The following MALRD1 variants were observed in gnomAD, a reference collection of about 807,000 sequenced individuals.
MALRD1 encodes the protein MAM and LDL receptor class A domain containing 1.
MALRD1 carries 247 observed loss-of-function variants against 242.1 expected under a neutral mutation model. The ratio of observed to expected loss-of-function variants is 1.02; its 90% CI spans 0.92 to 1.13. MALRD1 has a LOEUF of 1.13. Ranked by LOEUF, MALRD1 falls within the 50% of genes most tolerant of loss-of-function variation. MALRD1 has a pLI of 0.00. For missense variants in MALRD1, 2,989 were observed against 2,533.1 expected (o/e 1.18, Z -3.86); for synonymous variants, 995 against 866.6 (o/e 1.15, Z -2.60).
chr10:19,667,856 T>C (rs1361088228), intron 36 of MALRD1, among the ~76,000 whole-genome samples: 2 of 152,134 alleles, frequency 1.3e-5, no homozygotes, highest in African/African-American at 4.8e-5. Flanking sequence ...GGGTAACTTA[T>C]AAACAACACA....
intron 1 of MALRD1, among the ~76,000 whole-genome samples, chr10:19,059,542 A>G (rs1834761551): frequency 6.6e-6 from 1 of 151,844 alleles, no homozygotes; most frequent in South Asian, 2.1e-4. Context: ...GCATGTCACT[A>G]TACGCATCTA....
intron 38 of MALRD1, among the ~76,000 whole-genome samples, chr10:19,697,117 A>G (rs1027232290): frequency 3.3e-5 from 5 of 152,156 alleles, no homozygotes; most frequent in African/African-American, 1.2e-4. Flanking sequence ...AAACACACAT[A>G]AAAATAGGAT....
intron 5 of MALRD1, among the ~76,000 whole-genome samples, chr10:19,115,791 G>A (rs1300530433): frequency 2.0e-5 from 3 of 152,126 alleles, no homozygotes; most frequent in East Asian, 3.9e-4. Context: ...CGGGAGAATC[G>A]CTTGAACCCA....
intron 10 of MALRD1, among the ~76,000 whole-genome samples, chr10:19,137,743 A>C (rs1833401117): frequency 6.6e-6 from 1 of 152,122 alleles, no homozygotes; most frequent in Admixed American, 6.5e-5. Flanking sequence ...AGATCCCATT[A>C]CTATTCAAGC....
chr10:19,213,555 T>A (rs1837166424), intron 18 of MALRD1, among the ~76,000 whole-genome samples: 2 of 152,206 alleles, frequency 1.3e-5, no homozygotes, highest in Non-Finnish European at 2.9e-5. Context: ...CTTGCATGTC[T>A]GTATTTTAGA....
intron 4 of MALRD1, among the ~76,000 whole-genome samples, chr10:19,094,772 CTT>C (rs879275926): frequency 2.6e-4 from 39 of 152,220 alleles, no homozygotes; most frequent in African/African-American, 8.0e-4. Context: ...CATAGATAAA[CTT>C]AACACAGTCT....
chr10:19,184,922 A>G lies in MALRD1; in HGVS notation c.1951+9594A>G, dbSNP rs868602869. The stretch of plus-strand genomic sequence containing the variant: ...AAACATTATGCTAATAAACAATCAT[A>G]TCAACAAAGTAAAACTGTGGCAGTG... On this transcript the variant is annotated intron_variant, in intron 14 of 39. Transcript: ENST00000454679. Among the ~76,000 whole-genome samples the G allele has an allele frequency of 9.2e-5, 14 of 152,316 alleles. No individual in the cohort carries two copies. The South Asian group carries it at 2.1e-3, about 23-fold the overall frequency.
At chr10:19,111,496 T>C (rs1457828844) in intron 5 of MALRD1, among the ~76,000 whole-genome samples, 1 of 152,154 alleles carries the variant, frequency 6.6e-6, no homozygotes, top group Non-Finnish European at 1.5e-5. Context: ...GACTTTGAAA[T>C]CTAAGACTGA....
intron 30 of MALRD1, among the ~76,000 whole-genome samples, chr10:19,493,960 G>A (rs1020857092): frequency 2.6e-5 from 4 of 152,100 alleles, no homozygotes; most frequent in Non-Finnish European, 5.9e-5. Flanking sequence ...AGTCACCCAC[G>A]ACACAGTAAA....
chr10:19,599,002 T>A (rs1275703456), intron 34 of MALRD1, among the ~76,000 whole-genome samples: 2 of 151,302 alleles, frequency 1.3e-5, no homozygotes, highest in African/African-American at 4.9e-5. Context: ...AAAAAAGTGG[T>A]TTTTGGGATT....
At chr10:19,418,939 G>T (rs1282154744) in intron 28 of MALRD1, among the ~76,000 whole-genome samples, 3 of 152,092 alleles carry the variant, frequency 2.0e-5, no homozygotes, top group Non-Finnish European at 4.4e-5. Context: ...TTGCCTCCTT[G>T]AAAGCTATTC....
At position 19,204,296 on chromosome 10, in the gene MALRD1, T is replaced by C; in HGVS notation, c.2105-12T>C. 1 of 1,491,922 alleles carries C rather than the reference T, an allele frequency of 6.7e-7. No individual in the cohort carries two copies. Among genetic ancestry groups the C allele is most frequent in the Non-Finnish European group, 9.0e-7 (1 of 1,117,012 alleles). The allele number at this position is 1,491,922 out of a possible 1,614,324, so 92.4% of individuals were successfully genotyped here. ...TTAATGAAGCGTTTTTTTTTTTTTT[T>C]TATCTCAACAGGGCATTTTATGTTC... is the stretch of plus-strand genomic sequence containing the variant. On this transcript the variant is annotated splice_polypyrimidine_tract_variant and intron_variant, in intron 15 of 39. Transcript: ENST00000454679.
intron 13 of MALRD1, among the ~76,000 whole-genome samples, chr10:19,168,451 A>T (rs1834791099): frequency 6.6e-6 from 1 of 152,248 alleles, no homozygotes; most frequent in Non-Finnish European, 1.5e-5. Context: ...AGAAAATAGA[A>T]TGTCCTTTCT....
At chr10:19,275,885 C>G (rs899547849) in intron 19 of MALRD1, among the ~76,000 whole-genome samples, 1 of 152,002 alleles carries the variant, frequency 6.6e-6, no homozygotes, top group African/African-American at 2.4e-5. Context: ...ACATAATATA[C>G]AGCAATGTGA....
chr10:19,380,866 G>A lies in MALRD1; in HGVS notation c.4442-6662G>A, dbSNP rs1203749537. ...TGTAACATCTTAGGTTTTTCTTCTAGGATCACTTGATTTCTTTCTAAAGAA... is the reference window on the plus strand; with the variant it reads ...TGTAACATCTTAGGTTTTTCTTCTAAGATCACTTGATTTCTTTCTAAAGAA... On this transcript the variant is annotated intron_variant, in intron 26 of 39. Transcript: ENST00000454679. 2.0e-5 allele frequency among the ~76,000 whole-genome samples: 3 copies of A among 151,468 alleles called. No individual in the cohort carries two copies. In the South Asian group the frequency reaches 6.2e-4, roughly 32 times the overall value.
chr10:19,676,850 T>A (rs1842159503), intron 36 of MALRD1, among the ~76,000 whole-genome samples: 1 of 152,154 alleles, frequency 6.6e-6, no homozygotes, highest in African/African-American at 2.4e-5. Flanking sequence ...CAGTGTGTGT[T>A]GTTCCCCTCC....
At chr10:19,244,738 C>T (rs566679192) in intron 18 of MALRD1, among the ~76,000 whole-genome samples, 7 of 152,272 alleles carry the variant, frequency 4.6e-5, no homozygotes, top group South Asian at 4.1e-4. Context: ...CTATTTAATA[C>T]GTAGCTTAGA....
intron 36 of MALRD1, among the ~76,000 whole-genome samples, chr10:19,653,246 G>A (rs1009520477): frequency 3.3e-5 from 5 of 151,672 alleles, no homozygotes; most frequent in African/African-American, 1.2e-4. Flanking sequence ...ACCCAGGCTG[G>A]AGTGCAGTGG....
At chr10:19,116,532 G>C (rs990311580) in intron 5 of MALRD1, among the ~76,000 whole-genome samples, 6 of 152,162 alleles carry the variant, frequency 3.9e-5, no homozygotes, top group Non-Finnish European at 4.4e-5. Flanking sequence ...GTAAAAACTG[G>C]ATGTCAATTA....
Sources: gnomAD v4.1 joint callset for allele counts (sites outside exome capture counted in the v4.1 genomes callset) on GRCh38, gnomAD v4.1.1 for gene constraint, MANE v1.5 for transcripts, NCBI Gene and HGNC (gene_info 2026-07-23, HGNC 2026-07-21) for gene names.